PARD3B: variants seen among roughly 807,000 people sequenced by gnomAD.
PARD3B encodes par-3 family cell polarity regulator beta.
A neutral mutation model predicts 130.2 loss-of-function variants in PARD3B; 103 were observed. That is an observed-to-expected ratio of 0.79 (90% CI 0.67 to 0.93). PARD3B has a LOEUF of 0.93. PARD3B is among the 40% of genes least tolerant of loss of function. PARD3B has a pLI of 0.00. For synonymous variants in PARD3B, 583 were observed against 553.2 expected, an observed-to-expected ratio of 1.05 and a Z score of -0.76; for missense variants, 1,609 against 1,499.2, an observed-to-expected ratio of 1.07 and a Z score of -1.21.
At chr2:205,579,761 T>C (rs7560702) in intron 22 of PARD3B, among the ~76,000 whole-genome samples, 135,897 of 152,230 alleles carry the variant, frequency 0.89, 61,073 homozygotes, top group East Asian at 1. Flanking sequence ...TTCAACTACC[T>C]ATGTTTATAT....
At chr2:205,358,790 G>A (rs185176981) in intron 18 of PARD3B, among the ~76,000 whole-genome samples, 81 of 152,074 alleles carry the variant, frequency 5.3e-4, no homozygotes, top group Admixed American at 4.6e-3. Context: ...CTACCACCTC[G>A]GTGGCATTTT....
chr2:205,520,757 CAT>C (rs1461607779), intron 21 of PARD3B, among the ~76,000 whole-genome samples: 1 of 151,852 alleles, frequency 6.6e-6, no homozygotes, highest in East Asian at 1.9e-4. Flanking sequence ...ATATTTAAGT[CAT>C]ATTTTTTTAC....
intron 20 of PARD3B, among the ~76,000 whole-genome samples, chr2:205,487,187 AT>A (rs2049477122): frequency 6.6e-6 from 1 of 152,186 alleles, no homozygotes; most frequent in Non-Finnish European, 1.5e-5. Context: ...TGTCACATAT[AT>A]TTAGAACACT....
intron 2 of PARD3B, among the ~76,000 whole-genome samples, chr2:204,712,740 A>G (rs72932111): frequency 1.3e-5 from 2 of 152,110 alleles, no homozygotes; most frequent in Admixed American, 6.5e-5. Flanking sequence ...AAAATCATGT[A>G]TCATGTACTT....
chr2:204,743,118 G>A (rs975164489), intron 2 of PARD3B, among the ~76,000 whole-genome samples: 2 of 152,052 alleles, frequency 1.3e-5, no homozygotes, highest in Non-Finnish European at 2.9e-5. Flanking sequence ...TCTTTAATGT[G>A]TTAACTTCTA....
intron 16 of PARD3B, among the ~76,000 whole-genome samples, chr2:205,285,836 C>T (rs2041375039): frequency 6.6e-6 from 1 of 152,040 alleles, no homozygotes. Flanking sequence ...ATTGCTTGTT[C>T]CTTGAGAGCA....
intron 15 of PARD3B, among the ~76,000 whole-genome samples, chr2:205,239,939 TGTGTGG>T (rs1272506459): frequency 6.6e-6 from 1 of 152,098 alleles, no homozygotes; most frequent in East Asian, 1.9e-4. Flanking sequence ...TTGTTTTGTG[TGTGTGG>T]GTGTGGGTGT....
intron 3 of PARD3B, among the ~76,000 whole-genome samples, chr2:205,007,000 C>T (rs1309516554): frequency 6.6e-6 from 1 of 151,974 alleles, no homozygotes; most frequent in African/African-American, 2.4e-5. Flanking sequence ...TGTTCTAACC[C>T]GAATCTCATC....
At chr2:205,031,183 A>G (rs949187075) in intron 3 of PARD3B, among the ~76,000 whole-genome samples, 2 of 152,172 alleles carry the variant, frequency 1.3e-5, no homozygotes, top group Admixed American at 6.6e-5. Context: ...TGTCACTGGC[A>G]TATCTGAGAA....
At chr2:204,801,444 G>T (rs1490714549) in intron 2 of PARD3B, among the ~76,000 whole-genome samples, 2 of 152,072 alleles carry the variant, frequency 1.3e-5, no homozygotes, top group Non-Finnish European at 2.9e-5. Context: ...CTTGTAAGTT[G>T]TATACCTAGG....
chr2:205,194,027 A>G (rs2036538941), intron 15 of PARD3B, among the ~76,000 whole-genome samples: 1 of 152,208 alleles, frequency 6.6e-6, no homozygotes, highest in South Asian at 2.1e-4. Flanking sequence ...CAGATACCCT[A>G]GAGCATCACT....
At chr2:205,227,330 G>A (rs115742461) in intron 15 of PARD3B, among the ~76,000 whole-genome samples, 1,609 of 152,200 alleles carry the variant, frequency 0.011, 33 homozygotes, top group African/African-American at 0.037. Flanking sequence ...TTTAGCTTTA[G>A]TAATATTTGC....
chr2:204,656,688 A>G (rs1441123886), intron 1 of PARD3B, among the ~76,000 whole-genome samples: 1 of 152,116 alleles, frequency 6.6e-6, no homozygotes, highest in Non-Finnish European at 1.5e-5. Flanking sequence ...AAAGGTAGGC[A>G]TGTTTCATGT....
chr2:205,447,982 A>G (rs756206963), intron 20 of PARD3B, among the ~76,000 whole-genome samples: 15 of 152,214 alleles, frequency 9.9e-5, no homozygotes, highest in South Asian at 2.1e-4. Context: ...AGTGACTGCT[A>G]TGACCACCTT....
intron 16 of PARD3B, among the ~76,000 whole-genome samples, chr2:205,278,194 A>T (rs2041026770): frequency 6.6e-6 from 1 of 152,184 alleles, no homozygotes; most frequent in Admixed American, 6.5e-5. Flanking sequence ...CCTTGGAGCT[A>T]GAAACCATAT....
chr2:205,009,423 G>T (rs187361963), intron 3 of PARD3B, among the ~76,000 whole-genome samples: 1 of 152,190 alleles, frequency 6.6e-6, no homozygotes, highest in East Asian at 1.9e-4. Context: ...TGTAATCCCA[G>T]CACTTTGGGA....
chr2:205,275,232 C>T (rs749040135), intron 16 of PARD3B, among the ~76,000 whole-genome samples: 1 of 150,882 alleles, frequency 6.6e-6, no homozygotes, highest in East Asian at 1.9e-4. Context: ...CACAGATTAG[C>T]AAAAACTTCC....
In PARD3B at chr2:205,269,979, A is replaced by G. The variant is rs1348579335; in HGVS notation, c.2185+24157A>G. On this transcript the variant is annotated intron_variant, in intron 16 of 22. Coordinates refer to ENST00000406610, the MANE Select transcript of PARD3B (RefSeq NM_001302769.2). The surrounding 1 kb of genome is among the most constrained non-coding windows in gnomAD (Gnocchi z 4.7). ...CAGACAATAATACCTAAATACATTA[A>G]AATGACTAAAGGAGTGTAATTGGCT... 6.6e-6 allele frequency among the ~76,000 whole-genome samples: 1 copy of G among 152,206 alleles called. No individual in the cohort carries two copies. Among genetic ancestry groups the G allele is most frequent in the Non-Finnish European group, 1.5e-5 (1 of 68,040 alleles).
chr2:204,644,738 G>C (rs1435139524), intron 1 of PARD3B, among the ~76,000 whole-genome samples: 1 of 151,966 alleles, frequency 6.6e-6, no homozygotes, highest in East Asian at 1.9e-4. Flanking sequence ...AAAAATATTA[G>C]AATACACTGA....
Sources: allele counts gnomAD v4.1 joint callset (sites outside exome capture counted in the v4.1 genomes callset), GRCh38; gene constraint gnomAD v4.1.1; non-coding constraint Gnocchi (gnomAD v3.1); transcripts MANE v1.5; gene names NCBI Gene and HGNC (gene_info 2026-07-23, HGNC 2026-07-21).